Variants in SYNPO2 observed in about 807,000 individuals in gnomAD.
The protein encoded by SYNPO2 is synaptopodin-2.
Under a neutral mutation model 85.0 loss-of-function variants are expected in SYNPO2, and 56 were observed. That is an observed-to-expected ratio of 0.66 (90% CI 0.53 to 0.82). The LOEUF (loss-of-function observed/expected upper bound fraction) is 0.82, where lower values mean the gene tolerates loss of function less well. Ranked by LOEUF, SYNPO2 falls within the 40% of genes least tolerant of loss-of-function variation. SYNPO2 has a pLI of 0.00. For synonymous variants in SYNPO2, 602 were observed against 591.1 expected, an observed-to-expected ratio of 1.02 and a Z score of -0.27; for missense variants, 1,575 against 1,534.2, an observed-to-expected ratio of 1.03 and a Z score of -0.44.
At chr4:118,953,291 A>T (rs1371343676) in intron 1 of SYNPO2, among the ~76,000 whole-genome samples, 3 of 152,130 alleles carry the variant, frequency 2.0e-5, no homozygotes, top group Non-Finnish European at 4.4e-5. Context: ...TGAGCACACC[A>T]TTGTTTTCAT....
intron 1 of SYNPO2, among the ~76,000 whole-genome samples, chr4:118,860,413 T>C (rs1253547331): frequency 6.6e-6 from 1 of 151,912 alleles, no homozygotes; most frequent in African/African-American, 2.4e-5. Context: ...CTGGCTACTT[T>C]TTGTGTTTTT....
At chr4:119,038,080 G>A in intron 4 of SYNPO2, 1 of 934,706 alleles carries the variant, frequency 1.1e-6, no homozygotes, top group Non-Finnish European at 1.3e-6. Context: ...GTGGATTAGG[G>A]TTAGATTTAG....
At chr4:118,958,227 A>G (rs1734946856) in intron 1 of SYNPO2, among the ~76,000 whole-genome samples, 1 of 152,066 alleles carries the variant, frequency 6.6e-6, no homozygotes, top group Non-Finnish European at 1.5e-5. Flanking sequence ...CCATCCACAT[A>G]CTTTCTTAAG....
Position 119,031,466 on chromosome 4 carries a change from T to C in SYNPO2, c.2691T>C (p.Ala897=). 1.2e-6 allele frequency: 2 copies of C among 1,614,136 alleles called. No individual in the cohort carries two copies. Among genetic ancestry groups the C allele is most frequent in the Non-Finnish European group, 1.7e-6 (2 of 1,180,020 alleles). Residue 897 remains alanine (A), a synonymous_variant, in exon 4 of 5, where the codon GCT becomes GCC. Transcript: ENST00000307142. The part of the protein sequence containing the change: ...VVDSDTVQAH[A]ARAQSPTPSL... ...ATTCAGACACGGTGCAGGCCCACGC[T>C]GCTCGAGCTCAGTCTCCCACTCCAT...
At chr4:118,932,056 G>A (rs1297436530) in intron 1 of SYNPO2, among the ~76,000 whole-genome samples, 1 of 152,166 alleles carries the variant, frequency 6.6e-6, no homozygotes, top group Non-Finnish European at 1.5e-5. Context: ...GCTGCTATAA[G>A]TAAGCCATTG....
intron 1 of SYNPO2, among the ~76,000 whole-genome samples, chr4:118,861,820 T>C (rs1394987737): frequency 6.6e-6 from 1 of 152,204 alleles, no homozygotes; most frequent in Non-Finnish European, 1.5e-5. Context: ...GCTTTGGCTA[T>C]TCTGGGTCTT....
At chr4:119,015,786 A>C (rs1003422908) in intron 1 of SYNPO2, among the ~76,000 whole-genome samples, 1 of 152,222 alleles carries the variant, frequency 6.6e-6, no homozygotes, top group Non-Finnish European at 1.5e-5. Context: ...AATAGAGCAG[A>C]GGCATTAAAT....
intron 1 of SYNPO2, among the ~76,000 whole-genome samples, chr4:118,978,896 T>C (rs556923405): frequency 2.0e-4 from 30 of 152,268 alleles, no homozygotes; most frequent in Admixed American, 7.8e-4. Flanking sequence ...GTCCAACTTA[T>C]TGTTTTATCC....
intron 1 of SYNPO2, among the ~76,000 whole-genome samples, chr4:118,937,063 T>C (rs1479336199): frequency 3.3e-5 from 5 of 152,124 alleles, no homozygotes; most frequent in Non-Finnish European, 7.3e-5. Flanking sequence ...TCTCTTTTCA[T>C]CCTCCAGTCT....
rs556254124 is a variant in SYNPO2 at position 118,995,393 on chromosome 4, C to A, written c.106-28037C>A. Among the ~76,000 whole-genome samples, 3 of 152,222 alleles carry A rather than the reference C, an allele frequency of 2.0e-5. No individual in the cohort carries two copies. In the East Asian group the frequency reaches 5.8e-4, roughly 29 times the overall value. ...ACTATTATTTACTATTTATTGTATA[C>A]CTATCACTGTGATGGGTATCTTATA... On this transcript the variant is annotated intron_variant, in intron 1 of 4. Coordinates refer to ENST00000307142, the MANE Select transcript of SYNPO2 (RefSeq NM_133477.3).
At chr4:119,016,515 G>T (rs1016839149) in intron 1 of SYNPO2, among the ~76,000 whole-genome samples, 2 of 151,780 alleles carry the variant, frequency 1.3e-5, no homozygotes, top group African/African-American at 2.4e-5. Context: ...TATTTACATA[G>T]ATGCTTTTAA....
chr4:118,873,126 C>T (rs540846937), intron 1 of SYNPO2, among the ~76,000 whole-genome samples: 59 of 152,208 alleles, frequency 3.9e-4, no homozygotes, highest in African/African-American at 7.2e-4. Flanking sequence ...TGATTCTATA[C>T]GCTTGCTATT....
rs112632691 is a variant in SYNPO2 at position 118,995,488 on chromosome 4, G to C, written c.106-27942G>C. On this transcript the variant is annotated intron_variant, in intron 1 of 4. Coordinates refer to ENST00000307142, the MANE Select transcript of SYNPO2 (RefSeq NM_133477.3). ...ATATTATTTCCAATTTTACAAATGA[G>C]AAAAACCAAAGTTTGTTAATTAAAT... 1.5e-3 allele frequency among the ~76,000 whole-genome samples: 228 copies of C among 152,182 alleles called. 1 individual carries two copies. The highest frequency in any genetic ancestry group is 5.4e-3 in the African/African-American group (225 of 41,518).
chr4:118,992,966 C>G (rs1264884295), intron 1 of SYNPO2, among the ~76,000 whole-genome samples: 1 of 152,164 alleles, frequency 6.6e-6, no homozygotes, highest in Admixed American at 6.5e-5. Flanking sequence ...AAAGCATTCT[C>G]TACTCTGGAC....
chr4:118,863,167 G>C (rs1731641410), intron 1 of SYNPO2, among the ~76,000 whole-genome samples: 1 of 152,144 alleles, frequency 6.6e-6, no homozygotes, highest in South Asian at 2.1e-4. Flanking sequence ...GGCAATACTG[G>C]CCTCATAGAT....
intron 4 of SYNPO2, among the ~76,000 whole-genome samples, chr4:119,041,083 A>G (rs1223236834): frequency 6.6e-6 from 1 of 152,126 alleles, no homozygotes. Context: ...AAACCCAGGG[A>G]ATTTTTGTGG....
upstream of SYNPO2, among the ~76,000 whole-genome samples, chr4:118,887,834 C>T (rs58608417): frequency 0.14 from 21,430 of 152,092 alleles, 1,780 homozygotes; most frequent in Non-Finnish European, 0.19. Context: ...AAACAGGCAG[C>T]GTGTCTGGAA....
chr4:118,989,054 G>T (rs1235846476), intron 1 of SYNPO2, among the ~76,000 whole-genome samples: 1 of 152,212 alleles, frequency 6.6e-6, no homozygotes, highest in Non-Finnish European at 1.5e-5. Flanking sequence ...AATTAGGCCA[G>T]AGCTAGGCTT....
chr4:119,031,932 A>G lies in SYNPO2; in HGVS notation c.3157A>G (p.Ile1053Val), dbSNP rs1249027389. Residue 1053 changes from isoleucine (I) to valine (V), a missense_variant, in exon 4 of 5, where the codon ATT becomes GTT. Coordinates refer to ENST00000307142, the MANE Select transcript of SYNPO2 (RefSeq NM_133477.3). ...CAGTGCATCCCCAGTGCCTGTGGGC[A>G]TTCCCACCTCGCCAAAGCAAGAATC... Reference protein sequence around the residue: ...PVSASPVPVGIPTSPKQESAS... With the variant: ...PVSASPVPVGVPTSPKQESAS... 6.2e-7 allele frequency: 1 copy of G among 1,614,114 alleles called. No individual in the cohort carries two copies. The highest frequency in any genetic ancestry group is 1.7e-5 in the Admixed American group (1 of 60,012).
Sources: gnomAD v4.1 joint callset for allele counts (sites outside exome capture counted in the v4.1 genomes callset) on GRCh38, gnomAD v4.1.1 for gene constraint, MANE v1.5 for transcripts, NCBI Gene and HGNC (gene_info 2026-07-23, HGNC 2026-07-21) for gene names.